The following AFF3 variants were observed in gnomAD, a reference collection of about 807,000 sequenced individuals.
The protein encoded by AFF3 is AF4/FMR2 family member 3.
Under a neutral mutation model 129.7 loss-of-function variants are expected in AFF3, and 32 were observed. The ratio of observed to expected loss-of-function variants is 0.25; its 90% CI spans 0.19 to 0.33. The LOEUF (loss-of-function observed/expected upper bound fraction) is 0.33. Ranked by LOEUF, AFF3 falls within the 10% of genes least tolerant of loss-of-function variation. AFF3 has a pLI of 1.00. For missense variants in AFF3, 1,373 were observed against 1,592.0 expected (o/e 0.86, Z 2.34); for synonymous variants, 644 against 635.4 (o/e 1.01, Z -0.20).
intron 20 of AFF3, among the ~76,000 whole-genome samples, chr2:99,563,926 A>G (rs1675738282): frequency 6.6e-6 from 1 of 151,822 alleles, no homozygotes; most frequent in African/African-American, 2.4e-5. Context: ...TAGAAGGTGG[A>G]CAGTGTTCTC....
At chr2:100,077,903 G>A (rs1442422252) in intron 4 of AFF3, among the ~76,000 whole-genome samples, 1 of 152,114 alleles carries the variant, frequency 6.6e-6, no homozygotes, top group Non-Finnish European at 1.5e-5. Flanking sequence ...AAGGGTTCAA[G>A]GAATGCCCTT....
intron 8 of AFF3, among the ~76,000 whole-genome samples, chr2:99,803,375 T>C (rs918467204): frequency 1.3e-5 from 2 of 151,984 alleles, no homozygotes; most frequent in African/African-American, 4.8e-5. Flanking sequence ...TCATCAGGGA[T>C]AGGAAGTGAA....
intron 8 of AFF3, among the ~76,000 whole-genome samples, chr2:99,829,665 C>G (rs1023402424): frequency 3.3e-5 from 5 of 152,186 alleles, no homozygotes; most frequent in Admixed American, 2.0e-4. Context: ...AAGAGGAATG[C>G]TTTTACACTG....
rs200805992 is a variant in AFF3 at position 99,593,726 on chromosome 2, C to A, written c.1935G>T (p.Val645=). ...ASHRKELRSS[V]TCEKRRTRGL... ...CCCGCGTGCGGCGCTTCTCGCAGGT[C>A]ACGGAGGAGCGCAGCTCCTTGCGGT... The change falls in exon 15 of 25, where the codon GTG becomes GTT. Residue 645 remains valine (V), a synonymous_variant. Transcript: ENST00000672756. 26 of 1,612,612 alleles carry A rather than the reference C, an allele frequency of 1.6e-5. No homozygotes were observed. The East Asian group carries it at 4.7e-4, about 29-fold the overall frequency.
At chr2:100,064,741 G>A (rs1027750561) in intron 4 of AFF3, among the ~76,000 whole-genome samples, 1 of 152,194 alleles carries the variant, frequency 6.6e-6, no homozygotes. Context: ...GTCATGCAGC[G>A]ATAATTTCAA....
At chr2:99,581,163 C>T (rs1055686917) in intron 17 of AFF3, among the ~76,000 whole-genome samples, 6 of 152,154 alleles carry the variant, frequency 3.9e-5, no homozygotes, top group African/African-American at 1.2e-4. Flanking sequence ...AAGTACTTAC[C>T]GAATGAGCAC....
intron 12 of AFF3, among the ~76,000 whole-genome samples, chr2:99,651,186 A>G (rs1164910610): frequency 6.6e-6 from 1 of 151,952 alleles, no homozygotes; most frequent in Non-Finnish European, 1.5e-5. Context: ...AAAAAAAAAA[A>G]AAAAAGGGCT....
chr2:99,987,252 T>G (rs767436383), intron 7 of AFF3, among the ~76,000 whole-genome samples: 1 of 152,190 alleles, frequency 6.6e-6, no homozygotes, highest in African/African-American at 2.4e-5. Context: ...ACGGAGAACT[T>G]TATCCACATT....
At chr2:99,984,845 G>A (rs1679725592) in intron 7 of AFF3, among the ~76,000 whole-genome samples, 1 of 152,162 alleles carries the variant, frequency 6.6e-6, no homozygotes, top group Admixed American at 6.5e-5. Flanking sequence ...AGTGTGTGAG[G>A]AGGACAGATA....
At chr2:99,690,868 G>A (rs376537468) in intron 11 of AFF3, among the ~76,000 whole-genome samples, 72 of 151,754 alleles carry the variant, frequency 4.7e-4, no homozygotes, top group African/African-American at 1.7e-3. Flanking sequence ...TGTTTTCTTG[G>A]TGGGAAAGGC....
intron 7 of AFF3, among the ~76,000 whole-genome samples, chr2:99,905,971 A>G (rs1336380957): frequency 1.3e-5 from 2 of 152,144 alleles, no homozygotes; most frequent in Non-Finnish European, 2.9e-5. Flanking sequence ...GCTCTGCACA[A>G]TAAAAGAATA....
At chr2:99,583,127 C>T (rs1677742967) in intron 16 of AFF3, 128 bp from the exon 17 acceptor site, 1 of 743,040 alleles carries the variant, frequency 1.3e-6, no homozygotes, top group African/African-American at 1.8e-5. Flanking sequence ...ATTATTATAC[C>T]AGGAAACAAG....
intron 2 of AFF3, among the ~76,000 whole-genome samples, chr2:100,127,294 C>T (rs1276765559): frequency 6.6e-6 from 1 of 152,174 alleles, no homozygotes; most frequent in Non-Finnish European, 1.5e-5. Flanking sequence ...CTTCAACTGG[C>T]CCTCACTGTC....
intron 13 of AFF3, among the ~76,000 whole-genome samples, chr2:99,647,304 G>A (rs1381113294): frequency 1.3e-5 from 2 of 152,210 alleles, no homozygotes; most frequent in African/African-American, 4.8e-5. Context: ...CATATGCCAT[G>A]AAATACTATA....
intron 1 of AFF3, among the ~76,000 whole-genome samples, chr2:100,142,278 C>T (rs1469742335): frequency 6.6e-6 from 1 of 152,036 alleles, no homozygotes; most frequent in Non-Finnish European, 1.5e-5. Flanking sequence ...TGGTCACATC[C>T]CATCTCTTCC....
At chr2:99,846,762 C>T (rs769350019) in intron 7 of AFF3, among the ~76,000 whole-genome samples, 8 of 152,186 alleles carry the variant, frequency 5.3e-5, no homozygotes, top group Non-Finnish European at 4.4e-5. Context: ...TTGGCACATT[C>T]TATTAATTTT....
At chr2:99,561,546 A>G (rs1675476569) in intron 20 of AFF3, among the ~76,000 whole-genome samples, 1 of 152,022 alleles carries the variant, frequency 6.6e-6, no homozygotes, top group African/African-American at 2.4e-5. Context: ...ATAATTTTTT[A>G]TTGTTTTGTT....
At chr2:99,582,670 G>T in intron 17 of AFF3, 128 bp downstream of exon 17, 2 of 964,154 alleles carry the variant, frequency 2.1e-6, no homozygotes, top group Non-Finnish European at 3.1e-6. Flanking sequence ...CTTCCTAGAA[G>T]CGGGAGGCAT....
At chr2:99,772,996 C>T (rs1683611716) in intron 8 of AFF3, among the ~76,000 whole-genome samples, 1 of 152,188 alleles carries the variant, frequency 6.6e-6, no homozygotes, top group Non-Finnish European at 1.5e-5. Flanking sequence ...TCAGACCGGC[C>T]AGGTTCCCAC....
Sources: allele counts gnomAD v4.1 joint callset (sites outside exome capture counted in the v4.1 genomes callset), GRCh38; gene constraint gnomAD v4.1.1; transcripts MANE v1.5; gene names NCBI Gene and HGNC (gene_info 2026-07-23, HGNC 2026-07-21).